Variants in NLRP4 observed in about 807,000 individuals in gnomAD.
NLRP4 encodes NLR family pyrin domain containing 4, also known as NACHT, LRR and PYD domains-containing protein 4.
In NLRP4, 44 loss-of-function variants were observed where a neutral mutation model predicts 84.7. That is an observed-to-expected ratio of 0.52 (90% CI 0.41 to 0.67). The LOEUF (loss-of-function observed/expected upper bound fraction) is 0.67. Ranked by LOEUF, NLRP4 falls within the 30% of genes least tolerant of loss-of-function variation. The probability of loss-of-function intolerance (pLI) is 0.00; values close to 1 mark genes in which losing one functional copy is unlikely to be tolerated. For synonymous variants in NLRP4, 544 were observed against 476.4 expected (o/e 1.14, Z -1.85); for missense variants, 1,260 against 1,219.4 (o/e 1.03, Z -0.50).
rs964348320 is a variant in NLRP4, at chr19:55,868,552, G to C, written c.2354+676G>C. Among the ~76,000 whole-genome samples, 9 of 147,144 alleles carry C rather than the reference G, an allele frequency of 6.1e-5. No individual in the cohort carries two copies. The Admixed American group carries it at 6.3e-4, about 10-fold the overall frequency. Reference sequence around the variant, plus strand: ...AGTTTTGCTCTTGTTGCCCAGGCTAGAGTGCAGTGGCATGATCTTGGCTTA... The same window carrying C: ...AGTTTTGCTCTTGTTGCCCAGGCTACAGTGCAGTGGCATGATCTTGGCTTA... On this transcript the variant is annotated intron_variant, in intron 6 of 9. Transcript: ENST00000301295.
intron 3 of NLRP4, among the ~76,000 whole-genome samples, chr19:55,860,331 C>T (rs2123038781): frequency 6.6e-6 from 1 of 152,320 alleles, no homozygotes; most frequent in Non-Finnish European, 1.5e-5. Flanking sequence ...AACCCCAACA[C>T]TTTGAGAAGC....
Position 55,836,572 on chromosome 19 carries a change from C to A in NLRP4, c.-428C>A, listed in dbSNP as rs1983308123. 6.6e-6 allele frequency: 1 copy of A among 152,354 alleles called. No homozygotes were observed. The highest frequency in any genetic ancestry group is 6.5e-5 in the Admixed American group (1 of 15,278). 9.4% of individuals were successfully genotyped at this position (152,354 alleles called of 1,614,324 possible). A position where few individuals can be genotyped will look rare whatever the true frequency, so the allele number is the denominator to read the frequency against. ...AGGAAGGCGTGGAGCGGTGAGTCAG[C>A]GCTTCGTGCTGGGCTGTTCGTCTCT... On this transcript the variant is annotated 5_prime_UTR_variant, in exon 1 of 10. Transcript: ENST00000301295.
chr19:55,857,357 G>T (rs181907269), intron 2 of NLRP4: 1 of 407,020 alleles, frequency 2.5e-6, no homozygotes, highest in East Asian at 4.0e-5. Context: ...GTGTGTGTGT[G>T]TCTATTGAAA....
At chr19:55,839,308 A>AGTGTGTGTGTGTGTGTGTGTGTGTGT (rs59705356) in intron 1 of NLRP4, among the ~76,000 whole-genome samples, 1 of 151,350 alleles carries the variant, frequency 6.6e-6, no homozygotes, top group Non-Finnish European at 1.5e-5. Flanking sequence ...CCTCAGTTTG[A>AGTGTGTGTGTGTGTGTGTGTGTGTGT]GTGTGTGTGT....
intron 2 of NLRP4, among the ~76,000 whole-genome samples, chr19:55,853,470 G>A (rs1984250141): frequency 6.6e-6 from 1 of 152,206 alleles, no homozygotes; most frequent in African/African-American, 2.4e-5. Context: ...ACGGCTCACT[G>A]CAGCCTCAAC....
chr19:55,870,623 G>C (rs755539819), intron 6 of NLRP4, among the ~76,000 whole-genome samples: 14 of 152,134 alleles, frequency 9.2e-5, no homozygotes, highest in African/African-American at 3.4e-4. Context: ...AGATCGCGCC[G>C]TTGCATTCCA....
intron 6 of NLRP4, among the ~76,000 whole-genome samples, chr19:55,870,582 G>C (rs567134696): frequency 6.6e-6 from 1 of 152,208 alleles, no homozygotes; most frequent in Non-Finnish European, 1.5e-5. Flanking sequence ...AGAATCACTT[G>C]AACCTGGGAG....
intron 9 of NLRP4, among the ~76,000 whole-genome samples, chr19:55,879,909 A>G (rs2098212483): frequency 9.3e-6 from 1 of 107,626 alleles, no homozygotes; most frequent in South Asian, 3.1e-4. Flanking sequence ...ATTCATAAGT[A>G]TAACATTTAT....
At chr19:55,875,094 G>A (rs1210881045) in intron 7 of NLRP4, among the ~76,000 whole-genome samples, 1 of 152,134 alleles carries the variant, frequency 6.6e-6, no homozygotes, top group African/African-American at 2.4e-5. Context: ...CTTCCTTGAT[G>A]ATCTAAAGAA....
At chr19:55,847,069 C>T (rs748722573) in intron 1 of NLRP4, among the ~76,000 whole-genome samples, 17 of 152,062 alleles carry the variant, frequency 1.1e-4, no homozygotes, top group East Asian at 9.6e-4. Flanking sequence ...GGGCTATAGG[C>T]GCCTGGCTAC....
intron 7 of NLRP4, among the ~76,000 whole-genome samples, chr19:55,871,242 A>T (rs1985169199): frequency 6.6e-6 from 1 of 152,222 alleles, no homozygotes; most frequent in Admixed American, 6.5e-5. Flanking sequence ...GAGGACTGAG[A>T]GAGCCGGAAT....
intron 1 of NLRP4, among the ~76,000 whole-genome samples, chr19:55,851,438 C>T (rs112587857): frequency 2.5e-5 from 1 of 40,722 alleles, no homozygotes; most frequent in Admixed American, 2.4e-4. Context: ...TACGAGGCTG[C>T]GGTGTAATGT....
intron 2 of NLRP4, among the ~76,000 whole-genome samples, chr19:55,853,746 T>C (rs961310516): frequency 7.3e-6 from 1 of 137,742 alleles, no homozygotes; most frequent in Non-Finnish European, 1.5e-5. Context: ...TTTTCCTTTT[T>C]CTTTCTCTTT....
chr19:55,847,593 C>T (rs1048259465), intron 1 of NLRP4, among the ~76,000 whole-genome samples: 2 of 152,080 alleles, frequency 1.3e-5, no homozygotes, highest in Non-Finnish European at 2.9e-5. Context: ...AAATCCTGTG[C>T]CACATTTCTC....
chr19:55,868,760 A>C (rs1985060084), intron 6 of NLRP4, among the ~76,000 whole-genome samples: 1 of 152,164 alleles, frequency 6.6e-6, no homozygotes. Context: ...TATCACTGGA[A>C]GAAATAGTAT....
chr19:55,854,966 C>A (rs765966263), intron 2 of NLRP4, among the ~76,000 whole-genome samples: 1 of 152,326 alleles, frequency 6.6e-6, no homozygotes, highest in Non-Finnish European at 1.5e-5. Context: ...TCCGGTGATC[C>A]GCCCGCCTTG....
At chr19:55,861,282 C>G (rs1183338454) in intron 3 of NLRP4, 104 bp from the exon 4 acceptor site, 2 of 963,418 alleles carry the variant, frequency 2.1e-6, no homozygotes, top group Non-Finnish European at 3.1e-6. Flanking sequence ...GAGGCTCTGC[C>G]TCAGACATCT....
In NLRP4 at chr19:55,836,863, GTTC is replaced by G. The variant is rs1983335205; in HGVS notation, c.-134_-132del. On this transcript the variant is annotated 5_prime_UTR_variant, in exon 1 of 10. Transcript: ENST00000301295. ...ACCTTGGAGCTTCGAGGGTGGGAATGTTCTTATTAGATTCTTCATCTCTGTTGA... is the reference window on the plus strand; with the variant it reads ...ACCTTGGAGCTTCGAGGGTGGGAATGTTATTAGATTCTTCATCTCTGTTGA... 2.6e-5 allele frequency: 4 copies of G among 151,668 alleles called. No homozygotes were observed. 9.4% of individuals were successfully genotyped at this position (151,668 alleles called of 1,614,324 possible).
chr19:55,845,627 G>C (rs1482854841), intron 1 of NLRP4, among the ~76,000 whole-genome samples: 2 of 151,848 alleles, frequency 1.3e-5, no homozygotes, highest in Non-Finnish European at 2.9e-5. Flanking sequence ...GGTTGAACTA[G>C]TTTACAGTCC....
Sources: gnomAD v4.1 joint callset for allele counts (sites outside exome capture counted in the v4.1 genomes callset) on GRCh38, gnomAD v4.1.1 for gene constraint, MANE v1.5 for transcripts, NCBI Gene and HGNC (gene_info 2026-07-23, HGNC 2026-07-21) for gene names.